The following THSD7B variants were observed in gnomAD, a reference collection of about 807,000 sequenced individuals.
The protein encoded by THSD7B is thrombospondin type 1 domain containing 7B, also known as thrombospondin type-1 domain-containing protein 7B.
In THSD7B, 138 loss-of-function variants were observed where a neutral mutation model predicts 213.6. That is an observed-to-expected ratio of 0.65 (90% CI 0.56 to 0.74). The LOEUF is 0.74. THSD7B is among the 30% of genes least tolerant of loss of function. The pLI, the probability that THSD7B is intolerant of heterozygous loss-of-function variation, is 0.00. For synonymous variants in THSD7B, 742 were observed against 687.0 expected (o/e 1.08, Z -1.25); for missense variants, 1,931 against 1,991.5 (o/e 0.97, Z 0.58).
intron 3 of THSD7B, among the ~76,000 whole-genome samples, chr2:137,070,287 C>CT (rs1687455712): frequency 1.3e-5 from 2 of 151,594 alleles, no homozygotes; most frequent in Non-Finnish European, 2.9e-5. Context: ...CTTTTTCATT[C>CT]TTTTTTTACA....
At chr2:137,068,926 C>T (rs528609158) in intron 3 of THSD7B, among the ~76,000 whole-genome samples, 5 of 152,104 alleles carry the variant, frequency 3.3e-5, no homozygotes, top group South Asian at 2.1e-4. Flanking sequence ...ATCTAGGACA[C>T]GACAGAGCTT....
chr2:137,375,915 T>A (rs900096028), intron 12 of THSD7B, among the ~76,000 whole-genome samples: 24 of 152,324 alleles, frequency 1.6e-4, no homozygotes, highest in African/African-American at 5.8e-4. Flanking sequence ...ATGCAAAGCA[T>A]GACTACTCAT....
chr2:137,208,175 T>C (rs1189852539), intron 7 of THSD7B, among the ~76,000 whole-genome samples: 2 of 152,096 alleles, frequency 1.3e-5, no homozygotes, highest in African/African-American at 2.4e-5. Context: ...TGTGCATTCA[T>C]CTAAAGACAT....
intron 1 of THSD7B, among the ~76,000 whole-genome samples, chr2:136,808,162 T>G (rs1485744534): frequency 1.3e-5 from 2 of 152,346 alleles, no homozygotes; most frequent in East Asian, 3.9e-4. Flanking sequence ...AGCACAGCAC[T>G]TTCAGAATTA....
intron 20 of THSD7B, among the ~76,000 whole-genome samples, chr2:137,630,935 G>C (rs576682008): frequency 6.6e-6 from 1 of 152,024 alleles, no homozygotes; most frequent in Non-Finnish European, 1.5e-5. Context: ...TTCTGCATTC[G>C]CTGAGTTATT....
chr2:137,126,390 C>A (rs796262800), intron 5 of THSD7B, among the ~76,000 whole-genome samples: 2 of 152,272 alleles, frequency 1.3e-5, no homozygotes, highest in African/African-American at 4.8e-5. Flanking sequence ...CACCTTTTTG[C>A]TATTGAGATA....
intron 18 of THSD7B, among the ~76,000 whole-genome samples, chr2:137,616,753 C>A (rs892731997): frequency 6.6e-6 from 1 of 152,144 alleles, no homozygotes; most frequent in Admixed American, 6.5e-5. Context: ...ATGAATGCTA[C>A]TACTGACTGG....
At chr2:137,425,080 T>C (rs986601828) in intron 14 of THSD7B, among the ~76,000 whole-genome samples, 52 of 70,280 alleles carry the variant, frequency 7.4e-4, no homozygotes, top group African/African-American at 2.0e-3. Flanking sequence ...TCAAAAATAA[T>C]AATAATAATA....
At chr2:137,579,090 A>G (rs1681522284) in intron 17 of THSD7B, among the ~76,000 whole-genome samples, 1 of 152,142 alleles carries the variant, frequency 6.6e-6, no homozygotes. Flanking sequence ...AAAATAGAAA[A>G]CATATTCTAG....
intron 15 of THSD7B, among the ~76,000 whole-genome samples, chr2:137,458,817 T>C (rs976186082): frequency 6.6e-6 from 1 of 152,196 alleles, no homozygotes; most frequent in South Asian, 2.1e-4. Flanking sequence ...TTTTATTTTA[T>C]TTGGTGCACT....
intron 1 of THSD7B, among the ~76,000 whole-genome samples, chr2:136,812,806 A>C (rs1444828572): frequency 6.6e-6 from 1 of 152,212 alleles, no homozygotes; most frequent in Non-Finnish European, 1.5e-5. Flanking sequence ...ATTTATTACT[A>C]CTAATAAATA....
chr2:137,379,699 T>G (rs1426238669), intron 12 of THSD7B, among the ~76,000 whole-genome samples: 4 of 152,216 alleles, frequency 2.6e-5, no homozygotes, highest in Admixed American at 6.5e-5. Flanking sequence ...GATATGAATA[T>G]GTAGAGTGGT....
At chr2:137,100,109 C>CT (rs5834531) in intron 4 of THSD7B, among the ~76,000 whole-genome samples, 150,320 of 152,052 alleles carry the variant, frequency 0.99, 74,324 homozygotes, top group Middle Eastern at 1. Flanking sequence ...TCTAGACATC[C>CT]TTTTTTCTTG....
At chr2:136,795,621 A>G (rs1224824523) in intron 1 of THSD7B, among the ~76,000 whole-genome samples, 1 of 148,888 alleles carries the variant, frequency 6.7e-6, no homozygotes, top group Non-Finnish European at 1.5e-5. Flanking sequence ...TTTGTCTTTT[A>G]ATTTGACTAT....
chr2:137,624,869 T>G (rs1260018888), intron 20 of THSD7B, among the ~76,000 whole-genome samples: 1 of 152,234 alleles, frequency 6.6e-6, no homozygotes, highest in Non-Finnish European at 1.5e-5. Context: ...ACTTTTACAC[T>G]GTTGGTGGGA....
chr2:137,341,922 T>G (rs977494076), intron 12 of THSD7B, among the ~76,000 whole-genome samples: 8 of 151,810 alleles, frequency 5.3e-5, no homozygotes, highest in African/African-American at 1.9e-4. Flanking sequence ...CAGCTGTTTT[T>G]TGTTTGTTTT....
intron 12 of THSD7B, among the ~76,000 whole-genome samples, chr2:137,314,020 G>A (rs549592882): frequency 1.1e-3 from 162 of 152,086 alleles, no homozygotes; most frequent in African/African-American, 3.3e-3. Flanking sequence ...TCTTTGTGGC[G>A]TTCTCTGTAT....
At chr2:137,270,717 T>C (rs965872910) in intron 10 of THSD7B, among the ~76,000 whole-genome samples, 3 of 152,138 alleles carry the variant, frequency 2.0e-5, no homozygotes, top group Admixed American at 6.6e-5. Context: ...ACTGGTCTGA[T>C]GGAGGACAGG....
At chr2:137,397,381 A>G (rs1478636731) in intron 12 of THSD7B, among the ~76,000 whole-genome samples, 1 of 152,030 alleles carries the variant, frequency 6.6e-6, no homozygotes, top group Non-Finnish European at 1.5e-5. Flanking sequence ...ATCTCTCAGC[A>G]TTTGCTTGTC....
Sources: gnomAD v4.1 joint callset for allele counts (sites outside exome capture counted in the v4.1 genomes callset) on GRCh38, gnomAD v4.1.1 for gene constraint, MANE v1.5 for transcripts, NCBI Gene and HGNC (gene_info 2026-07-23, HGNC 2026-07-21) for gene names.